The following TAFA2 variants were observed in gnomAD, a reference collection of about 807,000 sequenced individuals.
TAFA2 encodes chemokine-like protein TAFA-2.
In TAFA2, 7 loss-of-function variants were observed where a neutral mutation model predicts 18.8. The ratio of observed to expected loss-of-function variants is 0.37; its 90% CI spans 0.21 to 0.70. The LOEUF (loss-of-function observed/expected upper bound fraction) is 0.70, where lower values mean the gene tolerates loss of function less well. TAFA2 is among the 30% of genes least tolerant of loss of function. TAFA2 has a pLI of 0.53. For synonymous variants in TAFA2, 60 were observed against 54.2 expected (o/e 1.11, Z -0.47); for missense variants, 122 against 158.1 (o/e 0.77, Z 1.23).
chr12:62,076,679 G>A (rs114411627), intron 1 of TAFA2, among the ~76,000 whole-genome samples: 15 of 152,266 alleles, frequency 9.9e-5, no homozygotes, highest in African/African-American at 3.4e-4. Flanking sequence ...CCCCCAAACA[G>A]AAGGGAATAA....
At chr12:62,175,653 A>G (rs937979322) in intron 1 of TAFA2, among the ~76,000 whole-genome samples, 16 of 152,070 alleles carry the variant, frequency 1.1e-4, no homozygotes, top group Non-Finnish European at 1.6e-4. Flanking sequence ...ATTGAATTAC[A>G]TTGTTGTTTT....
rs1440398254 is a variant in TAFA2, at chr12:62,230,628, C to T, written c.-130+28135G>A. Among the ~76,000 whole-genome samples, 3 of 152,098 alleles carry T rather than the reference C, an allele frequency of 2.0e-5. 1 individual carries two copies. The highest frequency in any genetic ancestry group is 2.0e-4 in the Admixed American group (3 of 15,268). ...TGTTGAGGCTTGTTTTGTGGCCTAA[C>T]ATAAGGTCTATTCTAAAGAATGTTT... On this transcript the variant is annotated intron_variant, in intron 1 of 5. Coordinates refer to the TAFA2 transcript ENST00000551619.
intron 1 of TAFA2, among the ~76,000 whole-genome samples, chr12:62,001,678 C>A (rs1399075224): frequency 6.6e-6 from 1 of 152,032 alleles, no homozygotes; most frequent in Non-Finnish European, 1.5e-5. Context: ...CTTCACTTGC[C>A]CTCCTGCTGC....
chr12:62,257,201 T>TGTGTGTGTGA (rs1565789942), intron 1 of TAFA2, among the ~76,000 whole-genome samples: 1 of 115,068 alleles, frequency 8.7e-6, no homozygotes, highest in South Asian at 2.9e-4. Context: ...TGTGTGTGTG[T>TGTGTGTGTGA]GATTTGCTAA....
intron 4 of TAFA2, among the ~76,000 whole-genome samples, chr12:61,726,809 C>T (rs968135194): frequency 1.8e-4 from 28 of 152,094 alleles, no homozygotes; most frequent in African/African-American, 6.5e-4. Context: ...TTCCAGTTCT[C>T]AGGGGGAAGA....
rs1189768690 is a variant in TAFA2, at chr12:61,709,889, G to T, written c.*517C>A. 6.6e-6 allele frequency: 1 copy of T among 152,552 alleles called. No homozygotes were observed. The highest frequency in any genetic ancestry group is 2.4e-5 in the African/African-American group (1 of 41,452). 9.4% of individuals were successfully genotyped at this position (152,552 alleles called of 1,614,324 possible). A position where few individuals can be genotyped will look rare whatever the true frequency, so the allele number is the denominator to read the frequency against. ...AACATGTAGGCTTTCTGAGCTCCAA[G>T]ATTAGGATATAAATAAAATTGTCTC... is the stretch of plus-strand genomic sequence containing the variant. On this transcript the variant is annotated 3_prime_UTR_variant, in exon 5 of 5. Transcript: ENST00000416284.
At chr12:62,064,806 C>A (rs1882444406) in intron 1 of TAFA2, among the ~76,000 whole-genome samples, 1 of 151,944 alleles carries the variant, frequency 6.6e-6, no homozygotes, top group Admixed American at 6.6e-5. Context: ...TCAGTAATAG[C>A]TTCCAAATGA....
intron 1 of TAFA2, among the ~76,000 whole-genome samples, chr12:62,090,561 A>G (rs1868666840): frequency 6.6e-6 from 1 of 152,024 alleles, no homozygotes; most frequent in Admixed American, 6.6e-5. Context: ...TTCCTTTGGC[A>G]ATCAAGAAAT....
chr12:61,884,062 G>T (rs772041019), intron 1 of TAFA2, among the ~76,000 whole-genome samples: 12 of 152,104 alleles, frequency 7.9e-5, no homozygotes, highest in Admixed American at 2.6e-4. Flanking sequence ...AATATAGAGA[G>T]ATATGAAGAA....
chr12:62,142,085 G>A lies in TAFA2; in HGVS notation c.-2+49174C>T, dbSNP rs181261415. On this transcript the variant is annotated intron_variant, in intron 1 of 4. Transcript: ENST00000416284. ...ATGTGCTAGCTACCAGTAGGATTAC[G>A]TTCCCCTTCTTATAAATGAAGAAAC... 1.4e-4 allele frequency among the ~76,000 whole-genome samples: 21 copies of A among 152,274 alleles called. 1 individual carries two copies. The highest frequency in any genetic ancestry group is 2.0e-4 in the Admixed American group (3 of 15,298).
chr12:62,071,526 G>C (rs949084095), intron 1 of TAFA2, among the ~76,000 whole-genome samples: 1 of 152,114 alleles, frequency 6.6e-6, no homozygotes, highest in African/African-American at 2.4e-5. Context: ...AGGATTATTT[G>C]AGGCCAGGAG....
At chr12:61,761,121 T>C (rs1183808809) in intron 2 of TAFA2, among the ~76,000 whole-genome samples, 1 of 152,016 alleles carries the variant, frequency 6.6e-6, no homozygotes, top group Non-Finnish European at 1.5e-5. Flanking sequence ...GGATACTGCC[T>C]CTTAAATCAT....
intron 1 of TAFA2, among the ~76,000 whole-genome samples, chr12:62,136,688 A>T (rs1870908140): frequency 6.6e-6 from 1 of 152,182 alleles, no homozygotes; most frequent in South Asian, 2.1e-4. Flanking sequence ...AGAAGCCAGG[A>T]TAACATCTTC....
At chr12:61,989,562 A>G (rs887936651) in intron 1 of TAFA2, among the ~76,000 whole-genome samples, 8 of 152,134 alleles carry the variant, frequency 5.3e-5, no homozygotes, top group African/African-American at 1.9e-4. Context: ...TTCAGAAAGA[A>G]TGGTTACTGC....
chr12:61,889,158 T>C (rs1221630274), intron 1 of TAFA2, among the ~76,000 whole-genome samples: 1 of 152,190 alleles, frequency 6.6e-6, no homozygotes, highest in Non-Finnish European at 1.5e-5. Flanking sequence ...ACACACATGA[T>C]GCACTTAGGA....
intron 1 of TAFA2, among the ~76,000 whole-genome samples, chr12:61,961,962 C>T (rs1434098277): frequency 6.6e-6 from 1 of 151,998 alleles, no homozygotes; most frequent in Non-Finnish European, 1.5e-5. Flanking sequence ...GTACTTATTT[C>T]CTCTAATCAG....
At chr12:61,856,930 C>T (rs1873909228) in intron 2 of TAFA2, among the ~76,000 whole-genome samples, 1 of 151,424 alleles carries the variant, frequency 6.6e-6, no homozygotes, top group Non-Finnish European at 1.5e-5. Context: ...GAAATGCTCA[C>T]AAAAAGTGAG....
chr12:61,762,279 T>C lies in TAFA2; in HGVS notation c.107-7255A>G, dbSNP rs542808111. Among the ~76,000 whole-genome samples the C allele has an allele frequency of 8.5e-5, 13 of 152,202 alleles. No homozygotes were observed. In the East Asian group the frequency reaches 2.3e-3, roughly 27 times the overall value. On this transcript the variant is annotated intron_variant, in intron 2 of 4. Transcript: ENST00000416284. ...TGCAGCAGACTCCAATTCCAGATTA[T>C]GTGGAGGAATGCAGTAAGTGTATCA...
At chr12:61,936,365 G>C (rs1158731035) in intron 1 of TAFA2, among the ~76,000 whole-genome samples, 2 of 152,080 alleles carry the variant, frequency 1.3e-5, no homozygotes, top group Non-Finnish European at 2.9e-5. Flanking sequence ...TCAGGAGTTT[G>C]AGACCAGCCT....
Sources: allele counts gnomAD v4.1 joint callset (sites outside exome capture counted in the v4.1 genomes callset), GRCh38; gene constraint gnomAD v4.1.1; transcripts MANE v1.5; gene names NCBI Gene and HGNC (gene_info 2026-07-23, HGNC 2026-07-21).